Variants in SOX5 observed in about 807,000 individuals in gnomAD.
The protein encoded by SOX5 is SRY-box transcription factor 5, also known as transcription factor SOX-5.
SOX5 carries 9 observed loss-of-function variants against 92.0 expected under a neutral mutation model. That is an observed-to-expected ratio of 0.10 (90% CI 0.06 to 0.17). The LOEUF (loss-of-function observed/expected upper bound fraction) is 0.17, where lower values mean the gene tolerates loss of function less well. Ranked by LOEUF, SOX5 falls within the 10% of genes least tolerant of loss-of-function variation. The pLI is 1.00. For synonymous variants in SOX5, 344 were observed against 336.3 expected (o/e 1.02, Z -0.25); for missense variants, 642 against 944.5 (o/e 0.68, Z 4.20).
chr12:23,760,017 T>A (rs989695813), intron 3 of SOX5, among the ~76,000 whole-genome samples: 3 of 152,078 alleles, frequency 2.0e-5, no homozygotes, highest in African/African-American at 7.2e-5. Context: ...AGATGTGTCA[T>A]GTTTTTCACT....
chr12:24,234,199 C>T (rs938828597), intron 3 of SOX5, among the ~76,000 whole-genome samples: 1 of 152,112 alleles, frequency 6.6e-6, no homozygotes, highest in Non-Finnish European at 1.5e-5. Flanking sequence ...ATTGAGAAGG[C>T]AAATATTTTG....
intron 1 of SOX5, among the ~76,000 whole-genome samples, chr12:24,523,219 A>C (rs1950405868): frequency 6.6e-6 from 1 of 152,200 alleles, no homozygotes; most frequent in African/African-American, 2.4e-5. Context: ...GAAAACTATA[A>C]AACATTGGTG....
At chr12:24,127,477 G>T (rs1240994028) in intron 4 of SOX5, among the ~76,000 whole-genome samples, 1 of 151,694 alleles carries the variant, frequency 6.6e-6, no homozygotes, top group Non-Finnish European at 1.5e-5. Context: ...ATGCTATCAG[G>T]TCACTACTGC....
At chr12:24,528,447 T>C (rs1247377051) in intron 1 of SOX5, among the ~76,000 whole-genome samples, 1 of 152,208 alleles carries the variant, frequency 6.6e-6, no homozygotes. Flanking sequence ...TGAAAGAGTA[T>C]CCTGGTGGTT....
chr12:23,771,081 A>G (rs1212270651), intron 3 of SOX5, among the ~76,000 whole-genome samples: 1 of 151,916 alleles, frequency 6.6e-6, no homozygotes, highest in East Asian at 1.9e-4. Context: ...ATTTCTTCAT[A>G]CATATCGTAT....
chr12:23,838,851 G>C (rs1444888994), intron 3 of SOX5, among the ~76,000 whole-genome samples: 1 of 102,746 alleles, frequency 9.7e-6, no homozygotes, highest in Non-Finnish European at 2.0e-5. Flanking sequence ...TTTGGGGGGG[G>C]GGGGCGGGGA....
chr12:24,133,317 T>C (rs917084374), intron 4 of SOX5, among the ~76,000 whole-genome samples: 1 of 152,176 alleles, frequency 6.6e-6, no homozygotes, highest in African/African-American at 2.4e-5. Context: ...AGGGTAATAG[T>C]TTTACAAACT....
chr12:24,000,767 AT>A (rs1041862355), intron 4 of SOX5, among the ~76,000 whole-genome samples: 4 of 152,150 alleles, frequency 2.6e-5, no homozygotes, highest in Non-Finnish European at 4.4e-5. Flanking sequence ...GTAATGCAAG[AT>A]TTTTTTAAAA....
At chr12:24,553,761 A>T (rs779866438) in intron 1 of SOX5, among the ~76,000 whole-genome samples, 31 of 152,264 alleles carry the variant, frequency 2.0e-4, no homozygotes, top group Non-Finnish European at 4.0e-4. Flanking sequence ...GCAAGGAGTG[A>T]TAGGTAAAAG....
chr12:24,409,934 A>ATCTGTAGCTTGGTTTTTCG (rs1198830240), intron 1 of SOX5, among the ~76,000 whole-genome samples: 4 of 150,862 alleles, frequency 2.7e-5, no homozygotes, highest in African/African-American at 4.9e-5. Context: ...TTTTATTCCA[A>ATCTGTAGCTTGGTTTTTCG]TCTGTAGCTT....
At chr12:24,013,920 T>A (rs561814111) in intron 4 of SOX5, among the ~76,000 whole-genome samples, 2 of 152,198 alleles carry the variant, frequency 1.3e-5, no homozygotes, top group Non-Finnish European at 2.9e-5. Flanking sequence ...AGTACAGCTG[T>A]TCTAGATGGC....
chr12:23,846,579 T>G (rs758555369), intron 2 of SOX5, among the ~76,000 whole-genome samples: 1 of 152,190 alleles, frequency 6.6e-6, no homozygotes, highest in Non-Finnish European at 1.5e-5. Flanking sequence ...GAGCCTCAGA[T>G]TTTCTTATGG....
intron 8 of SOX5, among the ~76,000 whole-genome samples, chr12:23,618,695 G>A (rs865775908): frequency 6.6e-5 from 10 of 152,132 alleles, no homozygotes; most frequent in African/African-American, 1.7e-4. Flanking sequence ...GATGAAAAAC[G>A]AATTGAACAG....
chr12:23,891,337 G>A (rs868757695), intron 2 of SOX5, among the ~76,000 whole-genome samples: 6 of 152,138 alleles, frequency 3.9e-5, no homozygotes, highest in African/African-American at 1.4e-4. Flanking sequence ...ACCTGAAACC[G>A]AACAAAGCAT....
At chr12:23,636,261 A>G (rs1346869177) in intron 8 of SOX5, among the ~76,000 whole-genome samples, 2 of 152,184 alleles carry the variant, frequency 1.3e-5, no homozygotes, top group Non-Finnish European at 1.5e-5. Flanking sequence ...TAAATAACAA[A>G]TATATATGAT....
rs560365706 is a variant in SOX5 at position 24,247,906 on chromosome 12, G to A, written c.-77+29310C>T. Among the ~76,000 whole-genome samples, 18 of 151,914 alleles carry A rather than the reference G, an allele frequency of 1.2e-4. No homozygotes were observed. The South Asian group carries it at 1.5e-3, about 12-fold the overall frequency. On this transcript the variant is annotated intron_variant, in intron 3 of 4. Coordinates refer to the SOX5 transcript ENST00000446891. ...TGACCTCAAGTGATCTGCCTGCCTC[G>A]GCCTCCCAAAGTGCTGGGATTACAG...
chr12:24,398,092 C>T (rs1232149794), intron 1 of SOX5, among the ~76,000 whole-genome samples: 3 of 152,098 alleles, frequency 2.0e-5, no homozygotes, highest in Admixed American at 1.3e-4. Flanking sequence ...CCTCACGATC[C>T]GCCCACCTCG....
chr12:24,114,314 T>C (rs139456176), intron 4 of SOX5, among the ~76,000 whole-genome samples: 3 of 152,208 alleles, frequency 2.0e-5, no homozygotes, highest in African/African-American at 7.2e-5. Context: ...CAGTGGTTCA[T>C]GTCTGAAATT....
chr12:24,088,794 A>C (rs1486558002), intron 4 of SOX5, among the ~76,000 whole-genome samples: 1 of 152,058 alleles, frequency 6.6e-6, no homozygotes, highest in African/African-American at 2.4e-5. Context: ...AATCCTACTG[A>C]TAACAGTGGA....
Sources: gnomAD v4.1 joint callset for allele counts (sites outside exome capture counted in the v4.1 genomes callset) on GRCh38, gnomAD v4.1.1 for gene constraint, MANE v1.5 for transcripts, NCBI Gene and HGNC (gene_info 2026-07-23, HGNC 2026-07-21) for gene names.